VWA3B: variants seen among roughly 807,000 people sequenced by gnomAD.
VWA3B encodes the protein von Willebrand factor A domain containing 3B, also known as von Willebrand factor A domain-containing protein 3B.
A neutral mutation model predicts 158.3 loss-of-function variants in VWA3B; 138 were observed. That is an observed-to-expected ratio of 0.87 (90% CI 0.76 to 1.00). The LOEUF (loss-of-function observed/expected upper bound fraction) is 1.00, where lower values mean the gene tolerates loss of function less well. VWA3B is among the 50% of genes least tolerant of loss of function. The pLI is 0.00. For missense variants in VWA3B, 1,555 were observed against 1,565.1 expected (o/e 0.99, Z 0.11); for synonymous variants, 596 against 587.3 (o/e 1.01, Z -0.21).
At chr2:98,305,058 G>A (rs568465529) in intron 26 of VWA3B, among the ~76,000 whole-genome samples, 3 of 152,052 alleles carry the variant, frequency 2.0e-5, no homozygotes, top group South Asian at 2.1e-4. Context: ...AGTGAGCTCC[G>A]CCCTCACTGA....
downstream of VWA3B, among the ~76,000 whole-genome samples, chr2:98,314,187 A>C (rs1178909339): frequency 6.6e-6 from 1 of 152,176 alleles, no homozygotes; most frequent in East Asian, 1.9e-4. Context: ...AGGAGATGGA[A>C]ATGGAATTCT....
At chr2:98,266,374 C>A (rs1687828080) in intron 21 of VWA3B, among the ~76,000 whole-genome samples, 1 of 151,034 alleles carries the variant, frequency 6.6e-6, no homozygotes, top group African/African-American at 2.4e-5. Flanking sequence ...GGCGTTATTT[C>A]TGAGGGCTCT....
At chr2:98,292,425 T>G (rs1689551388) in intron 23 of VWA3B, among the ~76,000 whole-genome samples, 2 of 150,448 alleles carry the variant, frequency 1.3e-5, no homozygotes, top group Admixed American at 1.3e-4. Context: ...GACAGGTTAT[T>G]TGAAACGTGA....
chr2:98,092,194 G>T (rs79694274), intron 1 of VWA3B, among the ~76,000 whole-genome samples: 1 of 152,178 alleles, frequency 6.6e-6, no homozygotes, highest in Non-Finnish European at 1.5e-5. Context: ...ACACCTGTTC[G>T]ACAGGTAAAA....
chr2:98,121,354 T>A lies in VWA3B; in HGVS notation c.598T>A (p.Ser200Thr). 6.2e-7 allele frequency: 1 copy of A among 1,614,108 alleles called. No individual in the cohort carries two copies. ...AAATGCTACTCCTGTGACCGAACAG[T>A]CCATAGCTACTGCCATCAGTTGGGT... ...QENATPVTEQ[S>T]IATAISWVEK... Residue 200 changes from serine to threonine, a missense_variant, in exon 5 of 28, where the codon TCC (serine) becomes ACC (threonine). By Grantham distance (58) the Ser-to-Thr change is moderately conservative (BLOSUM62 1). Transcript: ENST00000477737.
intron 14 of VWA3B, among the ~76,000 whole-genome samples, chr2:98,219,000 G>A (rs1684260937): frequency 6.6e-6 from 1 of 152,170 alleles, no homozygotes; most frequent in Admixed American, 6.5e-5. Context: ...TTAAATGCAA[G>A]GCCTGAAAGG....
At chr2:98,112,426 T>A (rs1353025603) in intron 2 of VWA3B, among the ~76,000 whole-genome samples, 1 of 152,018 alleles carries the variant, frequency 6.6e-6, no homozygotes. Flanking sequence ...TTAGAATTAC[T>A]GGTTGAAGTT....
At chr2:98,268,575 C>CA in intron 21 of VWA3B, among the ~76,000 whole-genome samples, 1 of 151,648 alleles carries the variant, frequency 6.6e-6, no homozygotes, top group South Asian at 2.1e-4. Context: ...TCATGCATCA[C>CA]TTTTCTGAGT....
intron 13 of VWA3B, among the ~76,000 whole-genome samples, chr2:98,215,196 C>T (rs1683871507): frequency 6.6e-6 from 1 of 152,066 alleles, no homozygotes; most frequent in African/African-American, 2.4e-5. Context: ...AATCCCAGCA[C>T]TTTGGAAGGC....
chr2:98,192,569 C>T (rs372245189), intron 10 of VWA3B, among the ~76,000 whole-genome samples: 82 of 152,284 alleles, frequency 5.4e-4, no homozygotes, highest in African/African-American at 1.9e-3. Context: ...AGGAACCAGC[C>T]ATCTGGATGT....
At chr2:98,200,455 T>C (rs1489155294) in intron 12 of VWA3B, among the ~76,000 whole-genome samples, 3 of 146,870 alleles carry the variant, frequency 2.0e-5, no homozygotes, top group Non-Finnish European at 4.4e-5. Flanking sequence ...GGCAAGAGAA[T>C]GGCATGAACC....
chr2:98,258,834 C>T (rs1687311065), intron 21 of VWA3B, among the ~76,000 whole-genome samples: 2 of 151,822 alleles, frequency 1.3e-5, no homozygotes, highest in South Asian at 2.1e-4. Context: ...CTTTTTCTTA[C>T]CTAATTGATC....
At chr2:98,249,289 G>C (rs1686640512) in intron 19 of VWA3B, among the ~76,000 whole-genome samples, 1 of 152,128 alleles carries the variant, frequency 6.6e-6, no homozygotes, top group Admixed American at 6.5e-5. Context: ...GAATACAGTA[G>C]TGAATAGCAC....
chr2:98,186,792 A>G (rs558934347), intron 9 of VWA3B, among the ~76,000 whole-genome samples: 1 of 152,104 alleles, frequency 6.6e-6, no homozygotes, highest in South Asian at 2.1e-4. Context: ...TTTACAGAGT[A>G]ACCACTGTAA....
At chr2:98,147,490 A>C (rs1054991391) in intron 7 of VWA3B, among the ~76,000 whole-genome samples, 1 of 152,222 alleles carries the variant, frequency 6.6e-6, no homozygotes, top group African/African-American at 2.4e-5. Flanking sequence ...TACAAATTGA[A>C]TATTGAATTT....
chr2:98,217,112 C>T, intron 13 of VWA3B: 1 of 556,692 alleles, frequency 1.8e-6, no homozygotes, highest in Non-Finnish European at 2.8e-6. Flanking sequence ...AGCTCCATCC[C>T]TGCAATGGGA....
chr2:98,092,998 C>T (rs1682455896), intron 1 of VWA3B, 63 bp from the exon 2 acceptor site: 6 of 1,167,612 alleles, frequency 5.1e-6, no homozygotes, highest in South Asian at 4.7e-5. Context: ...TAAGCCAGTC[C>T]CCTGTTGACG....
chr2:98,201,841 A>G (rs1682568449), intron 12 of VWA3B, among the ~76,000 whole-genome samples: 1 of 152,192 alleles, frequency 6.6e-6, no homozygotes. Context: ...TGAATATTAA[A>G]TTGGCTTTGC....
intron 7 of VWA3B, among the ~76,000 whole-genome samples, chr2:98,152,373 T>C (rs1677708598): frequency 3.9e-5 from 6 of 152,202 alleles, no homozygotes; most frequent in Admixed American, 3.9e-4. Context: ...TGATGCTGTT[T>C]TGGGGAAGGA....
Sources: allele counts gnomAD v4.1 joint callset (sites outside exome capture counted in the v4.1 genomes callset), GRCh38; gene constraint gnomAD v4.1.1; transcripts MANE v1.5; gene names NCBI Gene and HGNC (gene_info 2026-07-23, HGNC 2026-07-21).